The following FAF1 variants were observed in gnomAD, a reference collection of about 807,000 sequenced individuals.
The protein encoded by FAF1 is Fas associated factor 1.
Under a neutral mutation model 92.5 loss-of-function variants are expected in FAF1, and 25 were observed. That is an observed-to-expected ratio of 0.27 (90% confidence interval 0.20 to 0.38). The LOEUF (loss-of-function observed/expected upper bound fraction) is 0.38. FAF1 is among the 10% of genes least tolerant of loss of function. The pLI is 1.00. For missense variants in FAF1, 636 were observed against 793.3 expected (o/e 0.80, Z 2.38); for synonymous variants, 234 against 273.2 (o/e 0.86, Z 1.42).
At chr1:50,811,663 C>T (rs576414187) in intron 2 of FAF1, among the ~76,000 whole-genome samples, 3 of 152,286 alleles carry the variant, frequency 2.0e-5, no homozygotes, top group East Asian at 1.9e-4. Context: ...CAGTGCTATT[C>T]GTATCAAACT....
intron 1 of FAF1, among the ~76,000 whole-genome samples, chr1:50,954,348 G>A (rs1380131810): frequency 6.6e-6 from 1 of 152,042 alleles, no homozygotes; most frequent in East Asian, 1.9e-4. Context: ...GTCTGCCTCT[G>A]TATTAACAGC....
intron 1 of FAF1, among the ~76,000 whole-genome samples, chr1:50,926,127 G>C (rs1557591821): frequency 6.6e-6 from 1 of 152,080 alleles, no homozygotes; most frequent in Non-Finnish European, 1.5e-5. Flanking sequence ...TGAGGGGGGA[G>C]GATCGCTTAA....
chr1:50,451,758 G>A lies in FAF1; in HGVS notation c.1870-10235C>T, dbSNP rs80006792. 4.0e-6 allele frequency: 3 copies of A among 754,160 alleles called. No individual in the cohort carries two copies. In the African/African-American group the frequency reaches 5.7e-5, roughly 14 times the overall value. 46.7% of individuals were successfully genotyped at this position (754,160 alleles called of 1,614,324 possible). A position where few individuals can be genotyped will look rare whatever the true frequency, so the allele number is the denominator to read the frequency against. ...TTAGAGGTCATCTCTGTAGCATATG[G>A]GGACAGAAAAGCCCAGTGAGTGGAA... On this transcript the variant is annotated intron_variant, in intron 18 of 18. Transcript: ENST00000396153.
intron 6 of FAF1, among the ~76,000 whole-genome samples, chr1:50,734,875 T>C (rs1422677966): frequency 3.3e-5 from 5 of 152,176 alleles, no homozygotes; most frequent in African/African-American, 1.2e-4. Context: ...TTGTAAGTTA[T>C]CTATACATAT....
chr1:50,675,468 T>C (rs2124351366), intron 7 of FAF1, among the ~76,000 whole-genome samples: 1 of 152,338 alleles, frequency 6.6e-6, no homozygotes, highest in Admixed American at 6.5e-5. Context: ...GCATTGCCTA[T>C]CCAAAGAGGC....
chr1:50,897,493 G>C (rs965431213), intron 1 of FAF1, among the ~76,000 whole-genome samples: 3 of 152,138 alleles, frequency 2.0e-5, no homozygotes, highest in Non-Finnish European at 4.4e-5. Context: ...AAAATATATG[G>C]CTATTTTCAG....
At chr1:50,830,515 C>T (rs951313498) in intron 2 of FAF1, among the ~76,000 whole-genome samples, 3 of 152,200 alleles carry the variant, frequency 2.0e-5, no homozygotes, top group Non-Finnish European at 4.4e-5. Context: ...TAGATCAATA[C>T]AGACTGACCA....
chr1:50,466,617 A>C (rs13376558), intron 18 of FAF1, among the ~76,000 whole-genome samples: 2,999 of 152,348 alleles, frequency 0.02, 117 homozygotes, highest in African/African-American at 0.069. Flanking sequence ...CAGGTAATGT[A>C]AATCTGTAAA....
intron 13 of FAF1, among the ~76,000 whole-genome samples, chr1:50,565,419 C>G (rs957674320): frequency 1.3e-5 from 2 of 152,006 alleles, no homozygotes; most frequent in African/African-American, 4.8e-5. Context: ...AGAAATAGCT[C>G]TAAAGCCTTA....
chr1:50,886,197 T>C (rs1644662256), intron 1 of FAF1, among the ~76,000 whole-genome samples: 1 of 152,218 alleles, frequency 6.6e-6, no homozygotes, highest in South Asian at 2.1e-4. Flanking sequence ...TCAAGTGATA[T>C]CTTATTGCTC....
intron 5 of FAF1, 96 bp downstream of exon 5, chr1:50,744,588 A>G (rs1371271218): frequency 2.2e-5 from 17 of 773,216 alleles, no homozygotes; most frequent in Non-Finnish European, 6.6e-6. Flanking sequence ...TACTACTGCC[A>G]TATGTAACAA....
chr1:50,651,433 C>A (rs1427827327), intron 8 of FAF1, among the ~76,000 whole-genome samples: 3 of 152,110 alleles, frequency 2.0e-5, no homozygotes, highest in Non-Finnish European at 4.4e-5. Context: ...CCATTAATTT[C>A]TTGATCTATG....
chr1:50,882,617 T>TAAAC (rs1157023889), intron 1 of FAF1, among the ~76,000 whole-genome samples: 1 of 148,392 alleles, frequency 6.7e-6, no homozygotes, highest in Non-Finnish European at 1.5e-5. Context: ...AATAAATAAA[T>TAAAC]AAATAAATAA....
chr1:50,768,901 C>G (rs1660676502), intron 4 of FAF1, among the ~76,000 whole-genome samples: 1 of 151,734 alleles, frequency 6.6e-6, no homozygotes. Flanking sequence ...CAAGAAGAAA[C>G]CAATTACAAA....
intron 8 of FAF1, among the ~76,000 whole-genome samples, chr1:50,637,915 T>TAG (rs374505604): frequency 2.3e-3 from 288 of 124,584 alleles, no homozygotes; most frequent in Middle Eastern, 7.5e-3. Flanking sequence ...TAAATTTGTG[T>TAG]ATATATATAT....
chr1:50,637,017 T>A (rs1204073893), intron 8 of FAF1, among the ~76,000 whole-genome samples: 1 of 152,160 alleles, frequency 6.6e-6, no homozygotes, highest in Non-Finnish European at 1.5e-5. Flanking sequence ...ATGGATCTAT[T>A]CCTGAACACT....
chr1:50,527,898 G>A (rs1215186473), intron 15 of FAF1, among the ~76,000 whole-genome samples: 4 of 102,108 alleles, frequency 3.9e-5, no homozygotes, highest in Non-Finnish European at 5.8e-5. Context: ...TCTGAGACAG[G>A]GTCTTACTCT....
rs181982522 is a variant in FAF1 at position 50,440,361 on chromosome 1, A to G, written c.*1079T>C. The G allele has an allele frequency of 6.6e-6, 1 of 152,366 alleles. No individual in the cohort carries two copies. Among genetic ancestry groups the G allele is most frequent in the East Asian group, 1.9e-4 (1 of 5,192 alleles). The allele number at this position is 152,366 out of a possible 1,614,324, so 9.4% of individuals were successfully genotyped here. A position where few individuals can be genotyped will look rare whatever the true frequency, so the allele number is the denominator to read the frequency against. On this transcript the variant is annotated 3_prime_UTR_variant, in exon 19 of 19. Coordinates refer to ENST00000396153, the MANE Select transcript of FAF1 (RefSeq NM_007051.3). ...ACATGTCTTCTGAGTTGAGTCCCCAAGTTTGCTCTCTTCAACATATGAAGT... is the reference window on the plus strand; with the variant it reads ...ACATGTCTTCTGAGTTGAGTCCCCAGGTTTGCTCTCTTCAACATATGAAGT...
chr1:50,726,435 G>A (rs1174599465), intron 6 of FAF1, among the ~76,000 whole-genome samples: 2 of 152,110 alleles, frequency 1.3e-5, no homozygotes, highest in African/African-American at 2.4e-5. Context: ...GGTAGCTCAC[G>A]CCTGTAATCC....
Sources: allele counts gnomAD v4.1 joint callset (sites outside exome capture counted in the v4.1 genomes callset), GRCh38; gene constraint gnomAD v4.1.1; transcripts MANE v1.5; gene names NCBI Gene and HGNC (gene_info 2026-07-23, HGNC 2026-07-21).